FAM227B: variants seen among roughly 807,000 people sequenced by gnomAD.
FAM227B encodes family with sequence similarity 227 member B, also known as protein FAM227B.
A neutral mutation model predicts 73.8 loss-of-function variants in FAM227B; 88 were observed. That is an observed-to-expected ratio of 1.19 (90% confidence interval 1.00 to 1.42). FAM227B has a LOEUF of 1.42. Ranked by LOEUF, FAM227B falls within the 40% of genes most tolerant of loss-of-function variation. FAM227B has a pLI of 0.00. For synonymous variants in FAM227B, 210 were observed against 190.5 expected, an observed-to-expected ratio of 1.10 and a Z score of -0.84; for missense variants, 632 against 590.9, an observed-to-expected ratio of 1.07 and a Z score of -0.72.
At chr15:49,334,757 G>C (rs2039411589) in intron 14 of FAM227B, among the ~76,000 whole-genome samples, 1 of 152,092 alleles carries the variant, frequency 6.6e-6, no homozygotes, top group African/African-American at 2.4e-5. Context: ...TGGACAGCAG[G>C]AGGCACCCAA....
intron 3 of FAM227B, among the ~76,000 whole-genome samples, chr15:49,595,490 A>G (rs796895693): frequency 2.0e-5 from 3 of 152,130 alleles, no homozygotes; most frequent in African/African-American, 7.2e-5. Flanking sequence ...GTTGAATAGA[A>G]GTGGTGAAAG....
intron 10 of FAM227B, among the ~76,000 whole-genome samples, chr15:49,516,111 G>C (rs2059359296): frequency 6.6e-6 from 1 of 151,768 alleles, no homozygotes; most frequent in Admixed American, 6.6e-5. Context: ...AGGACAATAG[G>C]GTTTGCTGTC....
chr15:49,505,858 G>C (rs1274706316), intron 11 of FAM227B, among the ~76,000 whole-genome samples: 1 of 151,644 alleles, frequency 6.6e-6, no homozygotes, highest in Non-Finnish European at 1.5e-5. Context: ...TTGTCATCCT[G>C]AATAAAAAAA....
Position 49,598,165 on chromosome 15 carries a change from C to CA in FAM227B, c.106-8159dup, listed in dbSNP as rs2076987891. 2.6e-5 allele frequency among the ~76,000 whole-genome samples: 4 copies of CA among 151,788 alleles called. No homozygotes were observed. The South Asian group carries it at 8.3e-4, about 32-fold the overall frequency. On this transcript the variant is annotated intron_variant, in intron 3 of 15. Transcript: ENST00000299338. ...TAATACCAAAACTAGGAAAAGACAACAAAAAAAGCTACATGCCAATACCTC... is the reference window on the plus strand; with the variant it reads ...TAATACCAAAACTAGGAAAAGACAACAAAAAAAAGCTACATGCCAATACCTC...
At chr15:49,422,211 A>G (rs2049742869) in intron 11 of FAM227B, among the ~76,000 whole-genome samples, 1 of 151,906 alleles carries the variant, frequency 6.6e-6, no homozygotes, top group African/African-American at 2.4e-5. Context: ...AGTATATAAC[A>G]TGAAAAAGAT....
intron 11 of FAM227B, among the ~76,000 whole-genome samples, chr15:49,420,728 T>A (rs8031892): frequency 6.6e-6 from 1 of 152,124 alleles, no homozygotes; most frequent in South Asian, 2.1e-4. Flanking sequence ...CTTTTTCAGA[T>A]GGAGTCTCGC....
At chr15:49,332,833 C>A (rs2039041284) in intron 14 of FAM227B, among the ~76,000 whole-genome samples, 1 of 152,094 alleles carries the variant, frequency 6.6e-6, no homozygotes, top group Non-Finnish European at 1.5e-5. Flanking sequence ...ACTAGTGCAC[C>A]CCTGAAGGCA....
At chr15:49,362,896 C>T (rs2044496113) in intron 13 of FAM227B, among the ~76,000 whole-genome samples, 1 of 152,056 alleles carries the variant, frequency 6.6e-6, no homozygotes. Flanking sequence ...TTCCCTATTA[C>T]TTGTTTTGTC....
intron 11 of FAM227B, among the ~76,000 whole-genome samples, chr15:49,394,588 G>C (rs539297451): frequency 6.6e-6 from 1 of 152,228 alleles, no homozygotes; most frequent in East Asian, 1.9e-4. Flanking sequence ...TATAATTTCT[G>C]TATACAGTTA....
chr15:49,557,876 G>A (rs781707918), intron 9 of FAM227B, among the ~76,000 whole-genome samples: 5 of 152,208 alleles, frequency 3.3e-5, no homozygotes, highest in African/African-American at 1.2e-4. Context: ...GTAGTCCAGT[G>A]CCATCTGCTG....
intron 13 of FAM227B, among the ~76,000 whole-genome samples, chr15:49,338,150 T>A (rs890002032): frequency 6.6e-6 from 1 of 152,226 alleles, no homozygotes. Flanking sequence ...AATATTGTTA[T>A]GTGTGAACTG....
intron 11 of FAM227B, chr15:49,489,390 T>C: frequency 1.0e-6 from 1 of 984,512 alleles, no homozygotes; most frequent in Non-Finnish European, 1.2e-6. Flanking sequence ...CGTGGTCCAT[T>C]CCTACAAAGG....
chr15:49,574,991 A>T lies in FAM227B; in HGVS notation c.645+20T>A, dbSNP rs1276762582. 7 of 1,437,694 alleles carry T rather than the reference A, an allele frequency of 4.9e-6. No homozygotes were observed. Among genetic ancestry groups the T allele is most frequent in the Non-Finnish European group, 5.7e-6 (6 of 1,051,980 alleles). 89.1% of individuals were successfully genotyped at this position (1,437,694 alleles called of 1,614,324 possible). On this transcript the variant is annotated intron_variant, in intron 8 of 15. Coordinates refer to ENST00000299338, the MANE Select transcript of FAM227B (RefSeq NM_152647.3). ...TGCCAAAAATCAACTTAAAAAATAAATTTTTAAAAATCACTATACCCTAAA... is the reference window on the plus strand; with the variant it reads ...TGCCAAAAATCAACTTAAAAAATAATTTTTTAAAAATCACTATACCCTAAA...
chr15:49,520,817 C>T (rs1032236818), intron 10 of FAM227B, among the ~76,000 whole-genome samples: 1 of 152,060 alleles, frequency 6.6e-6, no homozygotes, highest in Non-Finnish European at 1.5e-5. Context: ...CACAGCCAAA[C>T]CATATCAAAC....
intron 11 of FAM227B, among the ~76,000 whole-genome samples, chr15:49,408,837 T>G (rs1270976810): frequency 6.6e-6 from 1 of 152,088 alleles, no homozygotes; most frequent in Non-Finnish European, 1.5e-5. Flanking sequence ...GTGGTGGTTT[T>G]TTCTGGGGGT....
chr15:49,429,777 C>T (rs1459912043), intron 11 of FAM227B, among the ~76,000 whole-genome samples: 1 of 151,922 alleles, frequency 6.6e-6, no homozygotes, highest in East Asian at 1.9e-4. Context: ...TTCTGACATG[C>T]TGCCAGGGAT....
At chr15:49,482,553 A>C (rs1038098513) in intron 11 of FAM227B, among the ~76,000 whole-genome samples, 5 of 152,050 alleles carry the variant, frequency 3.3e-5, no homozygotes, top group African/African-American at 1.2e-4. Flanking sequence ...AGTATATTCA[A>C]GAGCTATTCT....
chr15:49,489,819 ATTTT>A lies in FAM227B; in HGVS notation c.1012+18388_1012+18391del, dbSNP rs2056775993. ...ATATATATTTTATATATATATATAT[ATTTT>A]ATATATATATATATATTTTATATAT... On this transcript the variant is annotated intron_variant, in intron 11 of 15. Transcript: ENST00000299338. Among the ~76,000 whole-genome samples the A allele has an allele frequency of 6.8e-5, 4 of 58,766 alleles. 1 individual carries two copies. Among genetic ancestry groups the A allele is most frequent in the Non-Finnish European group, 9.8e-5 (3 of 30,566 alleles). 38.6% of individuals were successfully genotyped at this position (58,766 alleles called of 152,430 possible). A position where few individuals can be genotyped will look rare whatever the true frequency, so the allele number is the denominator to read the frequency against.
chr15:49,346,130 A>T (rs2041465216), intron 13 of FAM227B, among the ~76,000 whole-genome samples: 1 of 151,178 alleles, frequency 6.6e-6, no homozygotes, highest in African/African-American at 2.4e-5. Flanking sequence ...TGGCTGCTTG[A>T]TAGATACCAT....
Sources: gnomAD v4.1 joint callset for allele counts (sites outside exome capture counted in the v4.1 genomes callset) on GRCh38, gnomAD v4.1.1 for gene constraint, MANE v1.5 for transcripts, NCBI Gene and HGNC (gene_info 2026-07-23, HGNC 2026-07-21) for gene names.